GLI3: variants seen among roughly 807,000 people sequenced by gnomAD.
GLI3 encodes the protein transcription activator GLI3.
Under a neutral mutation model 100.8 loss-of-function variants are expected in GLI3, and 20 were observed. The observed-to-expected ratio is 0.20, with a 90% CI of 0.14 to 0.29. The LOEUF is 0.29. Ranked by LOEUF, GLI3 falls within the 10% of genes least tolerant of loss-of-function variation. GLI3 has a pLI of 1.00. For missense variants in GLI3, 2,040 were observed against 2,128.5 expected, an observed-to-expected ratio of 0.96 and a Z score of 0.82; for synonymous variants, 938 against 860.5, an observed-to-expected ratio of 1.09 and a Z score of -1.58.
chr7:42,156,141 A>G (rs1253519146), intron 2 of GLI3, among the ~76,000 whole-genome samples: 1 of 152,194 alleles, frequency 6.6e-6, no homozygotes, highest in Non-Finnish European at 1.5e-5. Context: ...TCCAGCATGC[A>G]CTTGAGAACA....
intron 3 of GLI3, among the ~76,000 whole-genome samples, chr7:42,112,377 G>A (rs1785733230): frequency 6.6e-6 from 1 of 152,090 alleles, no homozygotes; most frequent in South Asian, 2.1e-4. Flanking sequence ...CAAAAACACA[G>A]CTAGATAGAA....
intron 2 of GLI3, among the ~76,000 whole-genome samples, chr7:42,154,127 G>A (rs1005227200): frequency 9.2e-5 from 14 of 151,872 alleles, no homozygotes; most frequent in South Asian, 2.1e-4. Flanking sequence ...ACATTGCTAT[G>A]CACAGAAAAT....
In GLI3 at chr7:41,963,402, A is replaced by C. The variant is rs922729775; in HGVS notation, c.*928T>G. On this transcript the variant is annotated 3_prime_UTR_variant, in exon 15 of 15. Coordinates refer to ENST00000395925, the MANE Select transcript of GLI3 (RefSeq NM_000168.6). ...TCAACAAACACAGCAACTCATAAAT[A>C]TTCCCCCAACTAATTCTACCCAATT... is the stretch of plus-strand genomic sequence containing the variant. 5 of 152,222 alleles carry C rather than the reference A, an allele frequency of 3.3e-5. No individual in the cohort carries two copies. Among genetic ancestry groups the C allele is most frequent in the African/African-American group, 1.2e-4 (5 of 41,450 alleles). 9.4% of individuals were successfully genotyped at this position (152,222 alleles called of 1,614,324 possible).
intron 3 of GLI3, among the ~76,000 whole-genome samples, chr7:42,132,319 C>T (rs527477881): frequency 4.6e-5 from 7 of 151,974 alleles, no homozygotes; most frequent in Non-Finnish European, 1.0e-4. Flanking sequence ...CCAGGATGGT[C>T]TCGATCTCCT....
chr7:41,965,085 C>G lies in GLI3; in HGVS notation c.3988G>C (p.Asp1330His), dbSNP rs1272529879. ...CCTGCCCCCGGGTGCTGCATGCTGTCGCCGAGGAGCTGGTGAGCCAGGTAC... is the reference window on the plus strand; with the variant it reads ...CCTGCCCCCGGGTGCTGCATGCTGTGGCCGAGGAGCTGGTGAGCCAGGTAC... ...QGYLAHQLLG[D>H]SMQHPGAGRP... Residue 1330 changes from aspartate to histidine, a missense_variant, in exon 15 of 15, where the codon GAC (aspartate) becomes CAC (histidine). Transcript: ENST00000395925. 6.2e-7 allele frequency: 1 copy of G among 1,613,816 alleles called. No homozygotes were observed.
chr7:42,183,959 T>TC (rs1787669251), intron 2 of GLI3, among the ~76,000 whole-genome samples: 1 of 152,082 alleles, frequency 6.6e-6, no homozygotes, highest in Non-Finnish European at 1.5e-5. Flanking sequence ...TCAGGTTGGG[T>TC]CCCCAGCTCC....
At chr7:41,967,514 G>A (rs1787217263) in intron 14 of GLI3, 82 bp downstream of exon 14, 5 of 961,748 alleles carry the variant, frequency 5.2e-6, no homozygotes, top group Middle Eastern at 3.3e-4. Flanking sequence ...GGAGAAACTA[G>A]CAAACATAAA....
At chr7:42,105,851 G>C (rs757167375) in intron 3 of GLI3, among the ~76,000 whole-genome samples, 1 of 152,058 alleles carries the variant, frequency 6.6e-6, no homozygotes, top group African/African-American at 2.4e-5. Context: ...GCACCTCCAC[G>C]TCTGCAGTCA....
intron 7 of GLI3, among the ~76,000 whole-genome samples, chr7:42,038,632 C>T (rs1784068215): frequency 1.3e-5 from 2 of 152,184 alleles, no homozygotes; most frequent in Admixed American, 1.3e-4. Flanking sequence ...TTGCTTGCAG[C>T]TATCCACGTT....
At chr7:42,020,972 T>C (rs1230829230) in intron 10 of GLI3, among the ~76,000 whole-genome samples, 5 of 151,928 alleles carry the variant, frequency 3.3e-5, no homozygotes, top group Non-Finnish European at 7.4e-5. Context: ...TAGGTGGACT[T>C]GAAGTAGCTA....
chr7:42,259,635 T>C (rs540954541), intron 1 of GLI3, among the ~76,000 whole-genome samples: 1 of 152,334 alleles, frequency 6.6e-6, no homozygotes, highest in Non-Finnish European at 1.5e-5. Context: ...GATTTCTGCA[T>C]GATAGAAAAT....
At chr7:42,015,191 A>C (rs1788723362) in intron 10 of GLI3, among the ~76,000 whole-genome samples, 1 of 152,226 alleles carries the variant, frequency 6.6e-6, no homozygotes, top group African/African-American at 2.4e-5. Context: ...TTAAATTCAG[A>C]AACAGTTTCT....
intron 6 of GLI3, among the ~76,000 whole-genome samples, chr7:42,042,218 G>A (rs540692049): frequency 3.6e-4 from 55 of 152,094 alleles, no homozygotes; most frequent in African/African-American, 1.3e-3. Flanking sequence ...GTTTCACTGT[G>A]TTGGCCAGGA....
chr7:42,073,768 C>G (rs1046884568), intron 4 of GLI3, among the ~76,000 whole-genome samples: 2 of 152,064 alleles, frequency 1.3e-5, no homozygotes, highest in African/African-American at 4.8e-5. Flanking sequence ...ATTGTGTGTA[C>G]AAAATAATGA....
At chr7:42,129,872 T>A (rs1347729310) in intron 3 of GLI3, among the ~76,000 whole-genome samples, 1 of 151,994 alleles carries the variant, frequency 6.6e-6, no homozygotes, top group East Asian at 1.9e-4. Flanking sequence ...CCCGTGACAG[T>A]CAGATGGCCT....
At chr7:42,217,894 G>A (rs1788408606) in intron 2 of GLI3, among the ~76,000 whole-genome samples, 1 of 152,196 alleles carries the variant, frequency 6.6e-6, no homozygotes, top group South Asian at 2.1e-4. Context: ...AATAGCAGAG[G>A]CTAACGTTTG....
At chr7:42,105,614 A>T (rs2128763981) in intron 3 of GLI3, among the ~76,000 whole-genome samples, 1 of 152,244 alleles carries the variant, frequency 6.6e-6, no homozygotes, top group South Asian at 2.1e-4. Flanking sequence ...ATGATAGAAA[A>T]TCTTTTCAGG....
At chr7:42,075,831 G>A (rs1245189222) in intron 4 of GLI3, among the ~76,000 whole-genome samples, 6 of 152,176 alleles carry the variant, frequency 3.9e-5, no homozygotes, top group African/African-American at 1.4e-4. Context: ...CACAGAGGAG[G>A]ACTTGTTTTA....
chr7:41,982,624 C>T (rs552075885), intron 10 of GLI3, among the ~76,000 whole-genome samples: 2 of 151,192 alleles, frequency 1.3e-5, no homozygotes, highest in Non-Finnish European at 2.9e-5. Flanking sequence ...GTCACTTGAG[C>T]CCAGGAGGTC....
Sources: gnomAD v4.1 joint callset for allele counts (sites outside exome capture counted in the v4.1 genomes callset) on GRCh38, gnomAD v4.1.1 for gene constraint, MANE v1.5 for transcripts, NCBI Gene and HGNC (gene_info 2026-07-23, HGNC 2026-07-21) for gene names.